The following FAAH variants were observed in gnomAD, a reference collection of about 807,000 sequenced individuals.
FAAH encodes fatty acid amide hydrolase, also known as fatty-acid amide hydrolase 1.
A neutral mutation model predicts 69.7 loss-of-function variants in FAAH; 63 were observed. The ratio of observed to expected loss-of-function variants is 0.90; its 90% CI spans 0.74 to 1.12. The LOEUF (loss-of-function observed/expected upper bound fraction) is 1.12. Among genes scored for constraint, FAAH ranks in the 50% most tolerant of loss-of-function variants. FAAH has a pLI of 0.00. For synonymous variants in FAAH, 305 were observed against 324.2 expected, an observed-to-expected ratio of 0.94 and a Z score of 0.64; for missense variants, 680 against 755.0, an observed-to-expected ratio of 0.90 and a Z score of 1.16.
Position 46,413,724 on chromosome 1 carries a change from AC to A in FAAH, c.*150del. ...CCCCAACCCCCTGCAAGAAGCGCCG[AC>A]TCCCTGAGTCTGGACCTCCATCCCT... On this transcript the variant is annotated 3_prime_UTR_variant, in exon 15 of 15. Coordinates refer to ENST00000243167, the MANE Select transcript of FAAH (RefSeq NM_001441.3). 8.8e-7 allele frequency: 1 copy of A among 1,141,238 alleles called. No individual in the cohort carries two copies. Among genetic ancestry groups the A allele is most frequent in the Non-Finnish European group, 1.3e-6 (1 of 790,542 alleles). 70.7% of individuals were successfully genotyped at this position (1,141,238 alleles called of 1,614,324 possible).
Position 46,404,995 on chromosome 1 carries a change from T to A in FAAH, c.310-19T>A. On this transcript the variant is annotated intron_variant, in intron 2 of 14. Transcript: ENST00000243167. This position sits in a 1 kb window ranked among gnomAD's most constrained non-coding sequence, Gnocchi z 4.5. ...AAGGCCAGCCTCCTTTTATCTTATG[T>A]CTACTTCCCCTTCCTCAGGCCTGGG... 9 of 1,613,988 alleles carry A rather than the reference T, an allele frequency of 5.6e-6. No individual in the cohort carries two copies. The highest frequency in any genetic ancestry group is 7.6e-6 in the Non-Finnish European group (9 of 1,180,032).
intron 2 of FAAH, among the ~76,000 whole-genome samples, chr1:46,402,987 C>T (rs542158635): frequency 6.6e-6 from 1 of 152,204 alleles, no homozygotes; most frequent in South Asian, 2.1e-4. Context: ...GCCACTGCAG[C>T]TGGCCCCCAA....
intron 7 of FAAH, among the ~76,000 whole-genome samples, chr1:46,407,962 G>T (rs1557760299): frequency 6.6e-6 from 1 of 152,128 alleles, no homozygotes; most frequent in Non-Finnish European, 1.5e-5. Flanking sequence ...GCAGATCTGG[G>T]CTGGGTAGGG....
Position 46,405,887 on chromosome 1 carries a change from C to A in FAAH, c.785+93C>A. 1 of 1,606,410 alleles carries A rather than the reference C, an allele frequency of 6.2e-7. No individual in the cohort carries two copies. Among genetic ancestry groups the A allele is most frequent in the South Asian group, 1.1e-5 (1 of 90,506 alleles). On this transcript the variant is annotated intron_variant, in intron 5 of 14. Coordinates refer to ENST00000243167, the MANE Select transcript of FAAH (RefSeq NM_001441.3). This position sits in a 1 kb window ranked among gnomAD's most constrained non-coding sequence, Gnocchi z 4.1. ...GGGCTCCAGGCGGGGATTCGGTCTC[C>A]GGGGTTTTGCTGGGAGGAAGCATTA...
chr1:46,394,484 C>G lies in FAAH; in HGVS notation c.136C>G (p.Gln46Glu). The G allele has an allele frequency of 7.2e-7, 1 of 1,395,804 alleles. No individual in the cohort carries two copies. The highest frequency in any genetic ancestry group is 9.3e-7 in the Non-Finnish European group (1 of 1,080,698). The allele number at this position is 1,395,804 out of a possible 1,614,324, so 86.5% of individuals were successfully genotyped here. A position where few individuals can be genotyped will look rare whatever the true frequency, so the allele number is the denominator to read the frequency against. The change falls in exon 1 of 15, where the codon CAG becomes GAG. Residue 46 changes from glutamine (Q) to glutamate (E), a missense_variant. Physicochemically the swap from Gln to Glu is conservative, Grantham distance 29. Coordinates refer to ENST00000243167, the MANE Select transcript of FAAH (RefSeq NM_001441.3). ...GCGGGGCGCGGTGGTCCGGGCGCGA[C>G]AGAGGCAGCGAGCGGGCCTGGAGAA... ...TARGAVVRAR[Q>E]RQRAGLENMD...
chr1:46,402,248 C>A (rs1246736021), intron 2 of FAAH, 44 bp downstream of exon 2: 1 of 1,438,862 alleles, frequency 6.9e-7, no homozygotes, highest in Admixed American at 2.0e-5. Context: ...AAGGTAAGGC[C>A]AGCCAAGGCC....
intron 1 of FAAH, among the ~76,000 whole-genome samples, chr1:46,400,546 A>C (rs1336149565): frequency 6.6e-6 from 1 of 151,700 alleles, no homozygotes; most frequent in Non-Finnish European, 1.5e-5. Flanking sequence ...GAGGAGCCAG[A>C]AAGACACCTG....
At chr1:46,402,937 C>G (rs1295751940) in intron 2 of FAAH, among the ~76,000 whole-genome samples, 1 of 152,158 alleles carries the variant, frequency 6.6e-6, no homozygotes, top group Non-Finnish European at 1.5e-5. Flanking sequence ...AAGTGATCCA[C>G]CCGCCTCGGT....
Position 46,410,150 on chromosome 1 carries a change from G to A in FAAH, c.1176-248G>A, listed in dbSNP as rs902664094. On this transcript the variant is annotated intron_variant, in intron 9 of 14. Transcript: ENST00000243167. This position sits in a 1 kb window ranked among gnomAD's most constrained non-coding sequence, Gnocchi z 4.9. ...TGTTGCCCTCAGTTCTTAGAGCTCT[G>A]AGCTGGGTTTGCTGGAGAGGGATAC... 7 of 512,430 alleles carry A rather than the reference G, an allele frequency of 1.4e-5. No individual in the cohort carries two copies. Among genetic ancestry groups the A allele is most frequent in the South Asian group, 4.2e-5 (2 of 47,744 alleles). The allele number at this position is 512,430 out of a possible 1,614,324, so 31.7% of individuals were successfully genotyped here.
chr1:46,410,210 G>A lies in FAAH; in HGVS notation c.1176-188G>A, dbSNP rs1012699928. 5.9e-6 allele frequency: 4 copies of A among 675,630 alleles called. No homozygotes were observed. The highest frequency in any genetic ancestry group is 1.1e-5 in the Non-Finnish European group (4 of 364,432). The allele number at this position is 675,630 out of a possible 1,614,324, so 41.9% of individuals were successfully genotyped here. On this transcript the variant is annotated intron_variant, in intron 9 of 14. Coordinates refer to ENST00000243167, the MANE Select transcript of FAAH (RefSeq NM_001441.3). The surrounding 1 kb of genome is among the most constrained non-coding windows in gnomAD (Gnocchi z 4.9). Reference sequence around the variant, plus strand: ...TGCCTTGGGGAGCTCCCGTGGATGTGGGTTGCAGCCCAGGCATCCCAAAGG... The same window carrying A: ...TGCCTTGGGGAGCTCCCGTGGATGTAGGTTGCAGCCCAGGCATCCCAAAGG...
intron 8 of FAAH, among the ~76,000 whole-genome samples, chr1:46,408,809 A>C (rs1377244344): frequency 2.0e-5 from 3 of 152,192 alleles, no homozygotes; most frequent in African/African-American, 7.2e-5. Context: ...TGAGCACTGC[A>C]TGTGGGGAGG....
At position 46,410,699 on chromosome 1, in the gene FAAH, C is replaced by T; in HGVS notation, c.1276-115C>T. 1 of 1,357,898 alleles carries T rather than the reference C, an allele frequency of 7.4e-7. No individual in the cohort carries two copies. The highest frequency in any genetic ancestry group is 1.2e-5 in the South Asian group (1 of 85,934). The allele number at this position is 1,357,898 out of a possible 1,614,324, so 84.1% of individuals were successfully genotyped here. On this transcript the variant is annotated intron_variant, in intron 10 of 14. Transcript: ENST00000243167. The surrounding 1 kb of genome is among the most constrained non-coding windows in gnomAD (Gnocchi z 4.9). ...ACCCGCATGCTGAAAGGGGTGCCGA[C>T]CTGGGCCCTGGGGGGAGGCATGGAG...
At chr1:46,413,243 A>C (rs756649373) in intron 14 of FAAH, 23 bp downstream of exon 14, 3 of 1,613,924 alleles carry the variant, frequency 1.9e-6, no homozygotes, top group Non-Finnish European at 2.5e-6. Context: ...CTGCCCCTCA[A>C]CTGGACTCAC....
rs761183532 is a variant in FAAH at position 46,413,438 on chromosome 1, C to T, written c.1612-9C>T. On this transcript the variant is annotated splice_polypyrimidine_tract_variant and intron_variant, in intron 14 of 14. Coordinates refer to ENST00000243167, the MANE Select transcript of FAAH (RefSeq NM_001441.3). ...GCTAACCCTATCCTGATGCCTGTATCCCCTATAGGGCATGAAGAAGAGTGT... is the reference window on the plus strand; with the variant it reads ...GCTAACCCTATCCTGATGCCTGTATTCCCTATAGGGCATGAAGAAGAGTGT... 7 of 1,613,990 alleles carry T rather than the reference C, an allele frequency of 4.3e-6. No individual in the cohort carries two copies. In the Admixed American group the frequency reaches 8.3e-5, roughly 19 times the overall value.
At position 46,411,533 on chromosome 1, in the gene FAAH, G is replaced by C; in HGVS notation, c.1317-79G>C. ...GTCCACGGAGGGGTGAGATCTAGAGGGTTGGCAGTAGGGGTCTGATGTTGC... is the reference window on the plus strand; with the variant it reads ...GTCCACGGAGGGGTGAGATCTAGAGCGTTGGCAGTAGGGGTCTGATGTTGC... On this transcript the variant is annotated intron_variant, in intron 11 of 14. Coordinates refer to ENST00000243167, the MANE Select transcript of FAAH (RefSeq NM_001441.3). This position sits in a 1 kb window ranked among gnomAD's most constrained non-coding sequence, Gnocchi z 4.8. 1 of 1,488,062 alleles carries C rather than the reference G, an allele frequency of 6.7e-7. No individual in the cohort carries two copies. Among genetic ancestry groups the C allele is most frequent in the South Asian group, 1.2e-5 (1 of 85,994 alleles). The allele number at this position is 1,488,062 out of a possible 1,614,324, so 92.2% of individuals were successfully genotyped here. A position where few individuals can be genotyped will look rare whatever the true frequency, so the allele number is the denominator to read the frequency against.
At position 46,404,588 on chromosome 1, in the gene FAAH, G is replaced by C. The variant is rs1277661741; in HGVS notation, c.310-426G>C. ...GGAGGCAGGAGTCTGGTCTAGTCCT[G>C]CTCTGTGGTTGCCCTTCAGTGTGAC... On this transcript the variant is annotated intron_variant, in intron 2 of 14. Transcript: ENST00000243167. This position sits in a 1 kb window ranked among gnomAD's most constrained non-coding sequence, Gnocchi z 4.5. 6.6e-6 allele frequency among the ~76,000 whole-genome samples: 1 copy of C among 152,226 alleles called. No homozygotes were observed. The highest frequency in any genetic ancestry group is 1.5e-5 in the Non-Finnish European group (1 of 68,030).
intron 1 of FAAH, among the ~76,000 whole-genome samples, chr1:46,398,048 C>T (rs1462537128): frequency 6.6e-6 from 1 of 151,682 alleles, no homozygotes; most frequent in Non-Finnish European, 1.5e-5. Flanking sequence ...ATTCTCCTGC[C>T]TCAGCCTCCC....
chr1:46,409,251 C>A, intron 9 of FAAH, 53 bp downstream of exon 9: 1 of 1,405,046 alleles, frequency 7.1e-7, no homozygotes, highest in Non-Finnish European at 1.0e-6. Context: ...GTAGGCAGAC[C>A]TGGGGGAGCA....
chr1:46,406,468 TC>T (rs765075379), intron 7 of FAAH, 100 bp downstream of exon 7: 12 of 1,542,334 alleles, frequency 7.8e-6, no homozygotes, highest in East Asian at 2.4e-5. Context: ...CTGAGAACCG[TC>T]CCCCAGGCCT....
Sources: gnomAD v4.1 joint callset for allele counts (sites outside exome capture counted in the v4.1 genomes callset) on GRCh38, gnomAD v4.1.1 for gene constraint, Gnocchi (gnomAD v3.1) non-coding constraint, MANE v1.5 for transcripts, NCBI Gene and HGNC (gene_info 2026-07-23, HGNC 2026-07-21) for gene names.